Variants in THSD7A observed in about 807,000 individuals in gnomAD.
THSD7A encodes the protein thrombospondin type 1 domain containing 7A.
Under a neutral mutation model 231.3 loss-of-function variants are expected in THSD7A, and 96 were observed. The observed-to-expected ratio is 0.41, with a 90% CI of 0.35 to 0.49. THSD7A has a LOEUF of 0.49. Among genes scored for constraint, THSD7A ranks in the 20% least tolerant of loss-of-function variants. The pLI is 0.05. For synonymous variants in THSD7A, 940 were observed against 743.3 expected (o/e 1.26, Z -4.30); for missense variants, 2,290 against 2,070.2 (o/e 1.11, Z -2.06).
In THSD7A at chr7:11,470,047, A is replaced by G. The variant is rs921856727; in HGVS notation, c.2253-53T>C. 17 of 1,249,690 alleles carry G rather than the reference A, an allele frequency of 1.4e-5. No homozygotes were observed. In the African/African-American group the frequency reaches 1.8e-4, roughly 13 times the overall value. 77.4% of individuals were successfully genotyped at this position (1,249,690 alleles called of 1,614,324 possible). On this transcript the variant is annotated intron_variant, in intron 8 of 27. Coordinates refer to ENST00000423059, the MANE Select transcript of THSD7A (RefSeq NM_015204.3). ...CTTCAATAGTAAAGCAGAAAATCAG[A>G]TAATTTAATTTCTCTAGAATTTTCA...
At chr7:11,825,745 T>C (rs1191345898) in intron 1 of THSD7A, among the ~76,000 whole-genome samples, 5 of 152,158 alleles carry the variant, frequency 3.3e-5, no homozygotes, top group African/African-American at 1.2e-4. Flanking sequence ...AAAATAACTT[T>C]TTAGGAAACA....
intron 6 of THSD7A, among the ~76,000 whole-genome samples, chr7:11,515,732 T>C (rs78989336): frequency 0.013 from 1,969 of 152,250 alleles, 46 homozygotes; most frequent in African/African-American, 0.045. Flanking sequence ...GAACAAGACC[T>C]AGACTTCACA....
chr7:11,428,513 G>A (rs1784387845), intron 14 of THSD7A, among the ~76,000 whole-genome samples: 1 of 152,246 alleles, frequency 6.6e-6, no homozygotes, highest in Non-Finnish European at 1.5e-5. Context: ...TAAATAAACA[G>A]TATATATTTT....
chr7:11,425,169 A>T (rs185474325), intron 15 of THSD7A, among the ~76,000 whole-genome samples: 45 of 152,254 alleles, frequency 3.0e-4, no homozygotes, highest in Admixed American at 7.2e-4. Context: ...GTGTGACTTC[A>T]ATACTAGCCC....
At chr7:11,426,568 A>G in intron 15 of THSD7A, 98 bp downstream of exon 15, 1 of 1,315,702 alleles carries the variant, frequency 7.6e-7, no homozygotes, top group South Asian at 1.4e-5. Flanking sequence ...CCTGTAAAAC[A>G]TAAAAGACAA....
chr7:11,726,423 G>T (rs948424697), intron 1 of THSD7A, among the ~76,000 whole-genome samples: 1 of 151,978 alleles, frequency 6.6e-6, no homozygotes, highest in Non-Finnish European at 1.5e-5. Context: ...AGGTTCATTA[G>T]TCAGCTAACA....
chr7:11,532,886 A>C (rs1429655966), intron 6 of THSD7A, among the ~76,000 whole-genome samples: 1 of 152,172 alleles, frequency 6.6e-6, no homozygotes, highest in Non-Finnish European at 1.5e-5. Flanking sequence ...CTCTGGGAAA[A>C]AGTAAGAAGT....
intron 1 of THSD7A, among the ~76,000 whole-genome samples, chr7:11,651,062 T>C (rs1008260736): frequency 2.0e-5 from 3 of 152,010 alleles, no homozygotes; most frequent in African/African-American, 7.2e-5. Flanking sequence ...AAATGTCTAA[T>C]AATAATAGAC....
chr7:11,665,279 C>T (rs1228163630), intron 1 of THSD7A, among the ~76,000 whole-genome samples: 1 of 152,016 alleles, frequency 6.6e-6, no homozygotes, highest in Non-Finnish European at 1.5e-5. Flanking sequence ...TGAAAATGTT[C>T]CTGCCCATTA....
At chr7:11,539,508 G>T (rs889525888) in intron 6 of THSD7A, among the ~76,000 whole-genome samples, 1 of 152,150 alleles carries the variant, frequency 6.6e-6, no homozygotes, top group Non-Finnish European at 1.5e-5. Flanking sequence ...CATTTGTATT[G>T]TGAGTTATCA....
chr7:11,583,769 T>G (rs1473641600), intron 4 of THSD7A, among the ~76,000 whole-genome samples: 1 of 152,212 alleles, frequency 6.6e-6, no homozygotes. Context: ...TGCATTTGTT[T>G]ATTTCAGGCA....
intron 1 of THSD7A, among the ~76,000 whole-genome samples, chr7:11,713,703 G>A (rs1005543046): frequency 6.6e-6 from 1 of 151,170 alleles, no homozygotes; most frequent in East Asian, 2.0e-4. Flanking sequence ...ATGACAGTTG[G>A]ATTGTAGAGC....
chr7:11,620,852 C>T (rs190979099), intron 2 of THSD7A, among the ~76,000 whole-genome samples: 12 of 152,210 alleles, frequency 7.9e-5, no homozygotes, highest in Non-Finnish European at 2.9e-5. Flanking sequence ...GTAAATGTCC[C>T]CGATAGACAA....
chr7:11,384,278 A>G (rs1027332362), intron 23 of THSD7A: 1 of 151,862 alleles, frequency 6.6e-6, no homozygotes, highest in Non-Finnish European at 1.5e-5. Flanking sequence ...TATTCTAGAC[A>G]TGAATCCTTT....
chr7:11,476,067 T>C (rs575030132), intron 7 of THSD7A, among the ~76,000 whole-genome samples: 1 of 150,920 alleles, frequency 6.6e-6, no homozygotes, highest in South Asian at 2.1e-4. Flanking sequence ...GGATCTACAA[T>C]ACAGGTTCAA....
At chr7:11,725,172 G>A (rs749571919) in intron 1 of THSD7A, among the ~76,000 whole-genome samples, 5 of 151,908 alleles carry the variant, frequency 3.3e-5, no homozygotes, top group Non-Finnish European at 7.4e-5. Flanking sequence ...AAATGCTGAA[G>A]TTTTAACAAC....
chr7:11,566,965 T>TAGCGGGGGGGGGGGGGC lies in THSD7A; in HGVS notation c.1453+23494_1453+23495insGCCCCCCCCCCCCCGCT. 1.3e-4 allele frequency among the ~76,000 whole-genome samples: 12 copies of TAGCGGGGGGGGGGGGGC among 92,290 alleles called. 4 individuals are homozygous for TAGCGGGGGGGGGGGGGC. The highest frequency in any genetic ancestry group is 4.3e-4 in the South Asian group (1 of 2,336). The allele number at this position is 92,290 out of a possible 152,430, so 60.5% of individuals were successfully genotyped here. A position where few individuals can be genotyped will look rare whatever the true frequency, so the allele number is the denominator to read the frequency against. On this transcript the variant is annotated intron_variant, in intron 4 of 27. Coordinates refer to ENST00000423059, the MANE Select transcript of THSD7A (RefSeq NM_015204.3). ...CAAAGTGGATCCAGCTGTGGGAGAGTGGGGGGGGGACTGACCAACAAAGTT... is the reference window on the plus strand; with the variant it reads ...CAAAGTGGATCCAGCTGTGGGAGAGTAGCGGGGGGGGGGGGGCGGGGGGGGGACTGACCAACAAAGTT...
At chr7:11,682,538 A>G (rs1355705713) in intron 1 of THSD7A, among the ~76,000 whole-genome samples, 1 of 152,104 alleles carries the variant, frequency 6.6e-6, no homozygotes, top group African/African-American at 2.4e-5. Context: ...AAGACATTAC[A>G]TAATGATAAA....
chr7:11,411,370 G>A lies in THSD7A; in HGVS notation c.3683-48C>T, dbSNP rs765126873. 2.3e-6 allele frequency: 3 copies of A among 1,295,562 alleles called. No individual in the cohort carries two copies. The highest frequency in any genetic ancestry group is 3.3e-6 in the Non-Finnish European group (3 of 909,220). 80.3% of individuals were successfully genotyped at this position (1,295,562 alleles called of 1,614,324 possible). ...AGAACAGAAGGCTAAGTAAGAAACAGATTTCAAATGAAACTCTGATGACCT... is the reference window on the plus strand; with the variant it reads ...AGAACAGAAGGCTAAGTAAGAAACAAATTTCAAATGAAACTCTGATGACCT... On this transcript the variant is annotated intron_variant, in intron 18 of 27. Transcript: ENST00000423059. This position sits in a 1 kb window ranked among gnomAD's most constrained non-coding sequence, Gnocchi z 4.1.
Sources: gnomAD v4.1 joint callset for allele counts (sites outside exome capture counted in the v4.1 genomes callset) on GRCh38, gnomAD v4.1.1 for gene constraint, Gnocchi (gnomAD v3.1) non-coding constraint, MANE v1.5 for transcripts, NCBI Gene and HGNC (gene_info 2026-07-23, HGNC 2026-07-21) for gene names.